DOCK7: variants seen among roughly 807,000 people sequenced by gnomAD.
DOCK7 encodes dedicator of cytokinesis 7.
In DOCK7, 138 loss-of-function variants were observed where a neutral mutation model predicts 271.0. The observed-to-expected ratio is 0.51, with a 90% CI of 0.44 to 0.59. DOCK7 has a LOEUF of 0.59. Among genes scored for constraint, DOCK7 ranks in the 20% least tolerant of loss-of-function variants. The pLI is 0.00. For synonymous variants in DOCK7, 823 were observed against 876.1 expected, an observed-to-expected ratio of 0.94 and a Z score of 1.07; for missense variants, 2,066 against 2,592.4, an observed-to-expected ratio of 0.80 and a Z score of 4.41.
At chr1:62,551,356 A>AG (rs1195323092) in intron 22 of DOCK7, among the ~76,000 whole-genome samples, 1 of 151,686 alleles carries the variant, frequency 6.6e-6, no homozygotes, top group Non-Finnish European at 1.5e-5. Context: ...ACTTACAAAA[A>AG]AAAAAAAAAA....
At chr1:62,674,167 A>G (rs577441918) in intron 1 of DOCK7, among the ~76,000 whole-genome samples, 1 of 152,240 alleles carries the variant, frequency 6.6e-6, no homozygotes, top group South Asian at 2.1e-4. Flanking sequence ...AGCAATGAAC[A>G]AACCAAAAAT....
At chr1:62,488,751 G>A in intron 42 of DOCK7, 183 bp downstream of exon 42, 1 of 760,370 alleles carries the variant, frequency 1.3e-6, no homozygotes, top group Non-Finnish European at 2.2e-6. Flanking sequence ...TTTACTTTAG[G>A]TGAATTCATT....
intron 48 of DOCK7, among the ~76,000 whole-genome samples, chr1:62,459,742 A>C (rs1021820900): frequency 6.6e-6 from 1 of 152,052 alleles, no homozygotes; most frequent in South Asian, 2.1e-4. Flanking sequence ...GAAAACACTA[A>C]CTTCTACTAA....
At chr1:62,482,338 C>G (rs1443527464) in intron 43 of DOCK7, 1 of 110,254 alleles carries the variant, frequency 9.1e-6, no homozygotes, top group African/African-American at 3.2e-5. Flanking sequence ...ACACCCGACT[C>G]TAAGCATTTT....
At chr1:62,466,930 A>G (rs1403381069) in intron 48 of DOCK7, among the ~76,000 whole-genome samples, 2 of 152,074 alleles carry the variant, frequency 1.3e-5, no homozygotes, top group African/African-American at 4.8e-5. Context: ...AAACAAAAAC[A>G]AAAACAAAAA....
chr1:62,601,111 A>C lies in DOCK7; in HGVS notation c.1683-14487T>G, dbSNP rs150153780. On this transcript the variant is annotated intron_variant, in intron 14 of 49. Coordinates refer to ENST00000635253, the MANE Select transcript of DOCK7 (RefSeq NM_001367561.1). ...GAAGGACTAGTATTCAAGAACCCAC[A>C]GAAATTTCTCTATCTTCCAAGCCAA... 50 of 1,607,832 alleles carry C rather than the reference A, an allele frequency of 3.1e-5. No individual in the cohort carries two copies. Among genetic ancestry groups the C allele is most frequent in the Non-Finnish European group, 4.2e-5 (49 of 1,174,996 alleles).
At chr1:62,562,146 A>G (rs1422653952) in intron 18 of DOCK7, among the ~76,000 whole-genome samples, 1 of 151,030 alleles carries the variant, frequency 6.6e-6, no homozygotes, top group Non-Finnish European at 1.5e-5. Context: ...ATGGCCTCTA[A>G]TATTTCATTT....
chr1:62,619,850 A>T, intron 13 of DOCK7, 50 bp downstream of exon 13: 1 of 1,189,040 alleles, frequency 8.4e-7, no homozygotes, highest in Non-Finnish European at 1.2e-6. Flanking sequence ...AATACAACAT[A>T]GTAGTGATAA....
In DOCK7 at chr1:62,537,847, CAA is replaced by C. The variant is rs778414566; in HGVS notation, c.3471+42_3471+43del. The C allele has an allele frequency of 3.2e-6, 5 of 1,553,664 alleles. No individual in the cohort carries two copies. The South Asian group carries it at 4.6e-5, about 14-fold the overall frequency. The stretch of plus-strand genomic sequence containing the variant: ...TTCCATTGTTTAAAACTATTCTTCA[CAA>C]AAGTGACTTTAAATATATGTATATT... On this transcript the variant is annotated intron_variant, in intron 28 of 49. Transcript: ENST00000635253.
intron 18 of DOCK7, among the ~76,000 whole-genome samples, chr1:62,574,257 G>A (rs889528752): frequency 6.6e-6 from 1 of 152,162 alleles, no homozygotes; most frequent in African/African-American, 2.4e-5. Context: ...CATCATTAAA[G>A]TTTGGAAGGA....
intron 22 of DOCK7, among the ~76,000 whole-genome samples, chr1:62,550,651 T>A (rs367883785): frequency 3.0e-4 from 45 of 152,084 alleles, no homozygotes; most frequent in African/African-American, 1.1e-3. Context: ...AGGCAGTCAA[T>A]TGGGTTTAAC....
chr1:62,670,793 G>A (rs1017464064), intron 1 of DOCK7, among the ~76,000 whole-genome samples: 15 of 152,140 alleles, frequency 9.9e-5, no homozygotes, highest in African/African-American at 3.4e-4. Context: ...GCAGGATGTG[G>A]GTGGGGCCAG....
intron 22 of DOCK7, among the ~76,000 whole-genome samples, chr1:62,550,771 A>G (rs962484981): frequency 6.7e-6 from 1 of 148,942 alleles, no homozygotes; most frequent in African/African-American, 2.5e-5. Flanking sequence ...CACAGGCTGG[A>G]GTGCAATGGT....
rs886694825 is a variant in DOCK7, at chr1:62,597,362, T to A, written c.1683-10738A>T. 30 of 517,950 alleles carry A rather than the reference T, an allele frequency of 5.8e-5. No individual in the cohort carries two copies. The Admixed American group carries it at 7.1e-4, about 12-fold the overall frequency. 32.1% of individuals were successfully genotyped at this position (517,950 alleles called of 1,614,324 possible). A position where few individuals can be genotyped will look rare whatever the true frequency, so the allele number is the denominator to read the frequency against. On this transcript the variant is annotated intron_variant, in intron 14 of 49. Coordinates refer to ENST00000635253, the MANE Select transcript of DOCK7 (RefSeq NM_001367561.1). ...TTACCTATTAAGTTAGTTGCTCATT[T>A]CTTTGATTTCATTTAGCATTGATCT...
intron 14 of DOCK7, among the ~76,000 whole-genome samples, chr1:62,611,923 T>A (rs1215457636): frequency 6.6e-6 from 1 of 150,996 alleles, no homozygotes; most frequent in Non-Finnish European, 1.5e-5. Flanking sequence ...GGTGGGCGGA[T>A]CACCTGAGGT....
intron 37 of DOCK7, among the ~76,000 whole-genome samples, chr1:62,499,424 C>T (rs1646715422): frequency 6.6e-6 from 1 of 152,120 alleles, no homozygotes; most frequent in South Asian, 2.1e-4. Flanking sequence ...AATGAGGAGT[C>T]AGATATAATT....
intron 23 of DOCK7, among the ~76,000 whole-genome samples, chr1:62,544,719 T>C (rs1464109651): frequency 2.6e-5 from 4 of 151,768 alleles, no homozygotes; most frequent in Admixed American, 2.0e-4. Context: ...ATTGATAGGG[T>C]GTGTAAGGAA....
chr1:62,460,952 T>C (rs1645507107), intron 48 of DOCK7: 1 of 152,162 alleles, frequency 6.6e-6, no homozygotes, highest in South Asian at 2.1e-4. Context: ...GGTACCACAC[T>C]GGCCAAGTTT....
Position 62,497,201 on chromosome 1 carries a change from C to T in DOCK7, c.4765-704G>A, listed in dbSNP as rs182380836. On this transcript the variant is annotated intron_variant, in intron 37 of 49. Transcript: ENST00000635253. ...TTATCCTGGTTTTCCTATTCTTTTT[C>T]GACTCTTTTTCTATTTTATTCCTTG... Among the ~76,000 whole-genome samples, 38 of 152,158 alleles carry T rather than the reference C, an allele frequency of 2.5e-4. No individual in the cohort carries two copies. The East Asian group carries it at 5.6e-3, about 22-fold the overall frequency.
Sources: allele counts gnomAD v4.1 joint callset (sites outside exome capture counted in the v4.1 genomes callset), GRCh38; gene constraint gnomAD v4.1.1; transcripts MANE v1.5; gene names NCBI Gene and HGNC (gene_info 2026-07-23, HGNC 2026-07-21).